HIKESHI: variants seen among roughly 807,000 people sequenced by gnomAD.
HIKESHI encodes the protein protein Hikeshi.
In HIKESHI, 13 loss-of-function variants were observed where a neutral mutation model predicts 25.7. The ratio of observed to expected loss-of-function variants is 0.51; its 90% CI spans 0.33 to 0.80. HIKESHI has a LOEUF of 0.80. HIKESHI is among the 30% of genes least tolerant of loss of function. HIKESHI has a pLI of 0.02. For missense variants in HIKESHI, 174 were observed against 229.5 expected (o/e 0.76, Z 1.56); for synonymous variants, 76 against 78.7 (o/e 0.97, Z 0.18).
chr11:86,308,450 A>G (rs1315905416), intron 2 of HIKESHI, among the ~76,000 whole-genome samples: 1 of 147,548 alleles, frequency 6.8e-6, no homozygotes, highest in Non-Finnish European at 1.5e-5. Flanking sequence ...TGTATAAAGC[A>G]AATAGAATAG....
intron 2 of HIKESHI, among the ~76,000 whole-genome samples, chr11:86,331,915 C>G (rs1403773255): frequency 1.3e-5 from 2 of 151,160 alleles, no homozygotes; most frequent in African/African-American, 2.4e-5. Context: ...AGTTTTTTAG[C>G]TATGTCATCA....
chr11:86,343,888 A>C (rs535194406), intron 3 of HIKESHI: 1 of 152,342 alleles, frequency 6.6e-6, no homozygotes, highest in South Asian at 2.1e-4. Context: ...AGTTACTTTT[A>C]GGGTTAGTAC....
intron 3 of HIKESHI, among the ~76,000 whole-genome samples, chr11:86,341,737 C>T (rs1947737227): frequency 6.6e-6 from 1 of 152,074 alleles, no homozygotes; most frequent in African/African-American, 2.4e-5. Context: ...ATTCTCTGGA[C>T]CTATTGTATA....
At chr11:86,314,571 A>G (rs746484051) in intron 2 of HIKESHI, among the ~76,000 whole-genome samples, 1 of 152,126 alleles carries the variant, frequency 6.6e-6, no homozygotes, top group African/African-American at 2.4e-5. Context: ...CAGTGAGCCA[A>G]GATCATGCTA....
chr11:86,322,680 G>T (rs1000881745), intron 2 of HIKESHI, among the ~76,000 whole-genome samples: 5 of 151,894 alleles, frequency 3.3e-5, no homozygotes, highest in Admixed American at 6.6e-5. Flanking sequence ...AGAAATCTTT[G>T]CCTAACCCAA....
intron 2 of HIKESHI, among the ~76,000 whole-genome samples, chr11:86,328,434 G>GTTTT (rs533776972): frequency 7.5e-6 from 1 of 133,024 alleles, no homozygotes; most frequent in Non-Finnish European, 1.6e-5. Flanking sequence ...AATGTTTTTT[G>GTTTT]TTTTTTTTTT....
chr11:86,309,256 C>G (rs1308816598), intron 2 of HIKESHI, among the ~76,000 whole-genome samples: 2 of 152,142 alleles, frequency 1.3e-5, no homozygotes. Context: ...TTAATGATCA[C>G]CATTCTAACT....
intron 2 of HIKESHI, among the ~76,000 whole-genome samples, chr11:86,333,433 G>T (rs1333853830): frequency 6.6e-6 from 1 of 151,970 alleles, no homozygotes; most frequent in African/African-American, 2.4e-5. Context: ...TACTCGGGAG[G>T]CTGAGGCATG....
chr11:86,304,450 C>A (rs927508222), intron 1 of HIKESHI, among the ~76,000 whole-genome samples: 1 of 150,966 alleles, frequency 6.6e-6, no homozygotes, highest in African/African-American at 2.4e-5. Flanking sequence ...TTTCATATTA[C>A]GAGGACTGAA....
In HIKESHI at chr11:86,325,188, G is replaced by GA. The variant is rs1213838884; in HGVS notation, c.269-12181dup. Among the ~76,000 whole-genome samples the GA allele has an allele frequency of 2.0e-3, 292 of 147,126 alleles. 1 individual carries two copies. Among genetic ancestry groups the GA allele is most frequent in the Admixed American group, 5.4e-3 (80 of 14,722 alleles). On this transcript the variant is annotated intron_variant, in intron 2 of 4. Coordinates refer to ENST00000278483, the MANE Select transcript of HIKESHI (RefSeq NM_016401.4). ...GTGAGACCCTGTCTCAAAAAAAAAG[G>GA]AAAAAAAAAAGAGAAAAATTTTGGC...
intron 2 of HIKESHI, among the ~76,000 whole-genome samples, chr11:86,316,984 G>C (rs1160971566): frequency 1.3e-5 from 2 of 151,586 alleles, no homozygotes; most frequent in Non-Finnish European, 2.9e-5. Flanking sequence ...AGTAGAGGCA[G>C]GGTTCCACCT....
At chr11:86,341,182 C>T (rs1385728965) in intron 3 of HIKESHI, among the ~76,000 whole-genome samples, 1 of 152,208 alleles carries the variant, frequency 6.6e-6, no homozygotes, top group Non-Finnish European at 1.5e-5. Context: ...CACTTCCCTG[C>T]TTCCCAACAT....
chr11:86,333,619 C>G (rs765645990), intron 2 of HIKESHI, among the ~76,000 whole-genome samples: 2 of 151,508 alleles, frequency 1.3e-5, no homozygotes, highest in African/African-American at 2.4e-5. Context: ...AGGAATTTCT[C>G]ACATAATATT....
In HIKESHI at chr11:86,345,599, A is replaced by C; in HGVS notation, c.555A>C (p.Gln185His). 6.4e-7 allele frequency: 1 copy of C among 1,551,540 alleles called. No individual in the cohort carries two copies. Among genetic ancestry groups the C allele is most frequent in the Middle Eastern group, 1.8e-4 (1 of 5,446 alleles). ...TCTTTTCTAGGTATGAAAACTTTCA[A>C]AGACGACTAGCACAGAACCCTCTCT... is the stretch of plus-strand genomic sequence containing the variant. ...NVVLKWYENF[Q>H]RRLAQNPLFW... Residue 185 changes from glutamine to histidine, a missense_variant, in exon 5 of 5, where the codon CAA (glutamine) becomes CAC (histidine). Gln to His is a conservative substitution (Grantham distance 24, BLOSUM62 0). Coordinates refer to ENST00000278483, the MANE Select transcript of HIKESHI (RefSeq NM_016401.4).
At position 86,345,059 on chromosome 11, in the gene HIKESHI, A is replaced by T. The variant is rs1217780157; in HGVS notation, c.539+338A>T. 9 of 975,594 alleles carry T rather than the reference A, an allele frequency of 9.2e-6. No individual in the cohort carries two copies. The East Asian group carries it at 3.6e-4, about 39-fold the overall frequency. 60.4% of individuals were successfully genotyped at this position (975,594 alleles called of 1,614,324 possible). On this transcript the variant is annotated intron_variant, in intron 4 of 4. Coordinates refer to ENST00000278483, the MANE Select transcript of HIKESHI (RefSeq NM_016401.4). ...ACTGCACTGTGTACATGAATGGCTA[A>T]TGAATCTATTTTCCAACTTTCCCGT...
chr11:86,302,521 C>CGA (rs1203948109), intron 1 of HIKESHI, 43 bp downstream of exon 1: 25 of 1,545,892 alleles, frequency 1.6e-5, no homozygotes, highest in Admixed American at 3.9e-5. Flanking sequence ...GTCAGGATAC[C>CGA]GAGGGCGAAG....
intron 2 of HIKESHI, among the ~76,000 whole-genome samples, chr11:86,309,324 A>G (rs1234902622): frequency 1.3e-5 from 2 of 152,082 alleles, no homozygotes; most frequent in African/African-American, 2.4e-5. Context: ...GACCAGTGAT[A>G]ATGGGCATTT....
chr11:86,320,108 A>C (rs751192344), intron 2 of HIKESHI, among the ~76,000 whole-genome samples: 4 of 152,210 alleles, frequency 2.6e-5, no homozygotes, highest in Non-Finnish European at 4.4e-5. Flanking sequence ...CTTCAAAGGT[A>C]CTTAAAACAA....
intron 2 of HIKESHI, among the ~76,000 whole-genome samples, chr11:86,314,478 G>A (rs1225891839): frequency 1.3e-5 from 2 of 152,116 alleles, no homozygotes. Flanking sequence ...AGCCAGGCAT[G>A]GTGGCATGTG....
Sources: gnomAD v4.1 joint callset for allele counts (sites outside exome capture counted in the v4.1 genomes callset) on GRCh38, gnomAD v4.1.1 for gene constraint, MANE v1.5 for transcripts, NCBI Gene and HGNC (gene_info 2026-07-23, HGNC 2026-07-21) for gene names.